Variants in SYT3 observed in about 807,000 individuals in gnomAD.
SYT3 encodes the protein synaptotagmin-3.
In SYT3, 25 loss-of-function variants were observed where a neutral mutation model predicts 50.6. That is an observed-to-expected ratio of 0.49 (90% CI 0.36 to 0.69). SYT3 has a LOEUF of 0.69. Ranked by LOEUF, SYT3 falls within the 30% of genes least tolerant of loss-of-function variation. SYT3 has a pLI of 0.00. For synonymous variants in SYT3, 323 were observed against 353.9 expected, an observed-to-expected ratio of 0.91 and a Z score of 0.98; for missense variants, 589 against 793.6, an observed-to-expected ratio of 0.74 and a Z score of 3.10.
chr19:50,640,854 C>T (rs1190938503), upstream of SYT3, among the ~76,000 whole-genome samples: 1 of 152,216 alleles, frequency 6.6e-6, no homozygotes, highest in Non-Finnish European at 1.5e-5. Flanking sequence ...TGATCTAGAT[C>T]TACATAGCCT....
rs527970678 is a variant in SYT3, at chr19:50,629,231, G to A, written c.1281+63C>T. The A allele has an allele frequency of 1.2e-4, 163 of 1,355,404 alleles. 1 individual carries two copies. The highest frequency in any genetic ancestry group is 9.0e-4 in the South Asian group (64 of 71,030). 84.0% of individuals were successfully genotyped at this position (1,355,404 alleles called of 1,614,324 possible). ...AAGTTATGAACTCTGAGGGCAGGGGGCTTGCAACCCGGGGGGTCTCAGGGC... is the reference window on the plus strand; with the variant it reads ...AAGTTATGAACTCTGAGGGCAGGGGACTTGCAACCCGGGGGGTCTCAGGGC... On this transcript the variant is annotated intron_variant, in intron 6 of 10. Transcript: ENST00000600079.
chr19:50,653,092 C>CA, the SYT3 span, among the ~76,000 whole-genome samples: 1 of 152,188 alleles, frequency 6.6e-6, no homozygotes, highest in African/African-American at 2.4e-5. Context: ...GGATGCAGTG[C>CA]AGTGGCACGA....
the SYT3 span, chr19:50,658,096 C>T: frequency 6.5e-7 from 1 of 1,535,758 alleles, no homozygotes; most frequent in South Asian, 1.2e-5. Flanking sequence ...AGAACATGAA[C>T]GTCATCTGTG....
chr19:50,656,581 G>C, the SYT3 span, among the ~76,000 whole-genome samples: 41 of 152,066 alleles, frequency 2.7e-4, no homozygotes, highest in Non-Finnish European at 4.6e-4. Flanking sequence ...GAGGCTGAGG[G>C]GGGCAGGGAG....
upstream of SYT3, among the ~76,000 whole-genome samples, chr19:50,640,396 GA>G (rs1473911908): frequency 6.6e-6 from 1 of 152,210 alleles, no homozygotes; most frequent in Non-Finnish European, 1.5e-5. Flanking sequence ...GGTCAGTGTA[GA>G]CAAAACATTG....
the SYT3 span, chr19:50,649,766 A>T: frequency 1.6e-6 from 1 of 611,624 alleles, no homozygotes; most frequent in Non-Finnish European, 3.1e-6. Context: ...TCTGGGGCCT[A>T]AGCAACACCT....
At chr19:50,647,353 G>C in the SYT3 span, among the ~76,000 whole-genome samples, 2 of 151,950 alleles carry the variant, frequency 1.3e-5, no homozygotes, top group South Asian at 4.2e-4. Context: ...CCTCACTTGT[G>C]GGGAGAGGAA....
At chr19:50,643,745 A>G (rs1984716954), upstream of SYT3, among the ~76,000 whole-genome samples, 1 of 152,094 alleles carries the variant, frequency 6.6e-6, no homozygotes, top group South Asian at 2.1e-4. Flanking sequence ...ATCTGGGAAC[A>G]AAATAGACTA....
At position 50,630,136 on chromosome 19, in the gene SYT3, G is replaced by A. The variant is rs1479333889; in HGVS notation, c.710C>T (p.Thr237Ile). The A allele has an allele frequency of 6.3e-7, 1 of 1,590,030 alleles. No homozygotes were observed. Among genetic ancestry groups the A allele is most frequent in the Non-Finnish European group, 8.6e-7 (1 of 1,167,528 alleles). The change falls in exon 5 of 11, where the codon ACT becomes ATT. Residue 237 changes from threonine (T) to isoleucine (I), a missense_variant. Around this residue, in one of 2 missense-constraint regions of SYT3, gnomAD observed 316 missense variants for 354.3 expected, o/e 0.89. Transcript: ENST00000600079. ...GCTGGGGTCCGGCTGGGAGGTCAGA[G>A]TCTGCTGGGTGAGGGGTCGGGGCAG... ...PALPRPLTQQTLTSQPDPSSE... is the reference protein window; with the variant it reads ...PALPRPLTQQILTSQPDPSSE...
Position 50,632,563 on chromosome 19 carries a change from G to A in SYT3, c.397C>T (p.His133Tyr), listed in dbSNP as rs769431324. ...GHPLLGGPHH[H>Y]AHAAHHPPFA... is the part of the protein sequence containing the mutation. ...GGTGGATGGTGGGCGGCATGGGCAT[G>A]GTGGTGTGGGCCGCCCAGCAGAGGA... The change falls in exon 4 of 11, where the codon CAT becomes TAT. Residue 133 changes from histidine (H) to tyrosine (Y), a missense_variant. By Grantham distance (83) the His-to-Tyr change is moderately conservative. Around this residue, in one of 2 missense-constraint regions of SYT3, gnomAD observed 316 missense variants for 354.3 expected, o/e 0.89. Transcript: ENST00000600079. The surrounding 1 kb of genome is among the most constrained non-coding windows in gnomAD (Gnocchi z 4.7). 1.3e-6 allele frequency: 2 copies of A among 1,595,454 alleles called. No individual in the cohort carries two copies. The highest frequency in any genetic ancestry group is 3.4e-5 in the Admixed American group (2 of 59,098).
chr19:50,626,765 G>T lies in SYT3; in HGVS notation c.1282-748C>A, dbSNP rs983591433. 2.8e-4 allele frequency among the ~76,000 whole-genome samples: 42 copies of T among 150,562 alleles called. 1 individual carries two copies. The highest frequency in any genetic ancestry group is 3.4e-3 in the Middle Eastern group (1 of 290). On this transcript the variant is annotated intron_variant, in intron 6 of 10. Coordinates refer to ENST00000600079, the MANE Select transcript of SYT3 (RefSeq NM_001160329.2). ...AGACCCAGAGAGAGAAAGAGAGAGA[G>T]ATATATATAGAGAGAGACTCAGAGA... is the stretch of plus-strand genomic sequence containing the variant.
In SYT3 at chr19:50,637,388, G is replaced by A. The variant is rs1386253946; in HGVS notation, c.24C>T (p.Asp8=). MSGDYED[D]LCRRALILVS... ...CCAGGATGAGTGCCCGCCGGCAGAG[G>A]TCATCCTCGTAGTCTCCTGACATGG... is the stretch of plus-strand genomic sequence containing the variant. The change falls in exon 3 of 11, where the codon GAC becomes GAT. Residue 8 remains aspartate, a synonymous_variant. Coordinates refer to ENST00000600079, the MANE Select transcript of SYT3 (RefSeq NM_001160329.2). This position sits in a 1 kb window ranked among gnomAD's most constrained non-coding sequence, Gnocchi z 4.9. 6 of 1,607,604 alleles carry A rather than the reference G, an allele frequency of 3.7e-6. No individual in the cohort carries two copies. The highest frequency in any genetic ancestry group is 3.3e-5 in the Admixed American group (2 of 59,960).
In SYT3 at chr19:50,625,693, C is replaced by G; in HGVS notation, c.1403-129G>C. 7.1e-7 allele frequency: 1 copy of G among 1,404,564 alleles called. No individual in the cohort carries two copies. The highest frequency in any genetic ancestry group is 1.4e-5 in the South Asian group (1 of 69,894). The allele number at this position is 1,404,564 out of a possible 1,614,324, so 87.0% of individuals were successfully genotyped here. ...GGCCCCAGGCCCCCAGTCCCTCCTT[C>G]CTCAGGCCCAAGAGTCCAGACCCCA... On this transcript the variant is annotated intron_variant, in intron 7 of 10. Transcript: ENST00000600079. This position sits in a 1 kb window ranked among gnomAD's most constrained non-coding sequence, Gnocchi z 7.5.
At chr19:50,631,716 T>C (rs7258140) in intron 4 of SYT3, among the ~76,000 whole-genome samples, 102,245 of 151,508 alleles carry the variant, frequency 0.67, 35,709 homozygotes, top group African/African-American at 0.78. Context: ...CTTCTCCCAG[T>C]TGCGGTTCCC....
At chr19:50,640,089 T>TCCG (rs1213291689), upstream of SYT3, among the ~76,000 whole-genome samples, 1 of 152,076 alleles carries the variant, frequency 6.6e-6, no homozygotes, top group East Asian at 1.9e-4. Flanking sequence ...GGCCCAGTTC[T>TCCG]CCGCCCCGCT....
intron 6 of SYT3, chr19:50,626,273 G>T: frequency 2.3e-6 from 1 of 439,644 alleles, no homozygotes; most frequent in Non-Finnish European, 4.1e-6. Context: ...GGAGGGGAGA[G>T]ACAGAGAAGG....
the SYT3 span, among the ~76,000 whole-genome samples, chr19:50,656,852 T>G: frequency 2.0e-5 from 3 of 151,588 alleles, no homozygotes; most frequent in South Asian, 6.3e-4. Flanking sequence ...CTGGGGAGGC[T>G]GAGGCAGGAG....
the SYT3 span, among the ~76,000 whole-genome samples, chr19:50,657,677 A>G: frequency 6.6e-6 from 1 of 152,230 alleles, no homozygotes; most frequent in Non-Finnish European, 1.5e-5. Flanking sequence ...TTTTTGGTAG[A>G]TTCGTAAAGT....
chr19:50,656,264 C>G, the SYT3 span: 1 of 1,536,172 alleles, frequency 6.5e-7, no homozygotes, highest in South Asian at 1.2e-5. Context: ...GAGTACGAGG[C>G]ACTGGACCGA....
Sources: allele counts gnomAD v4.1 joint callset (sites outside exome capture counted in the v4.1 genomes callset), GRCh38; gene constraint gnomAD v4.1.1; regional missense constraint gnomAD v4.1.1; non-coding constraint Gnocchi (gnomAD v3.1); transcripts MANE v1.5; gene names NCBI Gene and HGNC (gene_info 2026-07-23, HGNC 2026-07-21).